Variants in WWOX observed in about 807,000 individuals in gnomAD.
WWOX encodes WW domain containing oxidoreductase.
In WWOX, 69 loss-of-function variants were observed where a neutral mutation model predicts 46.2. The ratio of observed to expected loss-of-function variants is 1.49; its 90% CI spans 1.23 to 1.82. The LOEUF (loss-of-function observed/expected upper bound fraction) is 1.82. Among genes scored for constraint, WWOX ranks in the 40% most tolerant of loss-of-function variants. The pLI, the probability that WWOX is intolerant of heterozygous loss-of-function variation, is 0.00. For missense variants in WWOX, 919 were observed against 542.6 expected, an observed-to-expected ratio of 1.69 and a Z score of -6.89; for synonymous variants, 359 against 202.6, an observed-to-expected ratio of 1.77 and a Z score of -6.56.
chr16:78,677,953 C>G (rs1372807687), intron 8 of WWOX, among the ~76,000 whole-genome samples: 2 of 152,200 alleles, frequency 1.3e-5, no homozygotes, highest in Non-Finnish European at 2.9e-5. Flanking sequence ...ATGTCCTTTT[C>G]AGGGATGACA....
chr16:79,179,508 C>CTTTTGT (rs1157710975), intron 8 of WWOX, among the ~76,000 whole-genome samples: 2 of 152,192 alleles, frequency 1.3e-5, no homozygotes, highest in Non-Finnish European at 2.9e-5. Flanking sequence ...ATCCTTCATG[C>CTTTTGT]TTTTGTTTTT....
chr16:79,072,966 C>T lies in WWOX; in HGVS notation c.1057-138642C>T, dbSNP rs867490632. ...ATTTGGACTCCGGGTCATTGACAAA[C>T]GTCATCACTGTTTTTAGTTGAAATG... On this transcript the variant is annotated intron_variant, in intron 8 of 8. Coordinates refer to ENST00000566780, the MANE Select transcript of WWOX (RefSeq NM_016373.4). Among the ~76,000 whole-genome samples, 74 of 151,888 alleles carry T rather than the reference C, an allele frequency of 4.9e-4. 1 individual carries two copies. Among genetic ancestry groups the T allele is most frequent in the Non-Finnish European group, 2.6e-4 (18 of 68,032 alleles).
In WWOX at chr16:78,717,103, C is replaced by T. The variant is rs77444125; in HGVS notation, c.1056+284351C>T. Among the ~76,000 whole-genome samples the T allele has an allele frequency of 1.3e-4, 20 of 152,238 alleles. No homozygotes were observed. In the East Asian group the frequency reaches 3.3e-3, roughly 25 times the overall value. ...TCACATGGTGATGACAGTGATTATT[C>T]CAAGAGATGGCTGTAAGCTCCCTGA... On this transcript the variant is annotated intron_variant, in intron 8 of 8. Coordinates refer to ENST00000566780, the MANE Select transcript of WWOX (RefSeq NM_016373.4).
intron 5 of WWOX, among the ~76,000 whole-genome samples, chr16:78,224,970 T>C (rs2037002893): frequency 1.3e-5 from 2 of 152,256 alleles, no homozygotes; most frequent in South Asian, 4.1e-4. Context: ...GGTAAGAATT[T>C]TTATGTGTTC....
At chr16:78,351,427 C>G (rs115949996) in intron 5 of WWOX, among the ~76,000 whole-genome samples, 140 of 152,276 alleles carry the variant, frequency 9.2e-4, no homozygotes, top group African/African-American at 3.3e-3. Context: ...GGCCATGAAA[C>G]CTTGCCTGGC....
chr16:78,757,426 C>T (rs991410993), intron 8 of WWOX, among the ~76,000 whole-genome samples: 1 of 152,092 alleles, frequency 6.6e-6, no homozygotes, highest in Non-Finnish European at 1.5e-5. Flanking sequence ...GCTTCTGTAC[C>T]TCTTGCCTCA....
chr16:79,019,175 AAAAAAAAAAAG>A (rs1386660361), intron 8 of WWOX, among the ~76,000 whole-genome samples: 1 of 57,228 alleles, frequency 1.7e-5, no homozygotes, highest in East Asian at 9.0e-4. Context: ...AAAAAAAAAA[AAAAAAAAAAAG>A]AAAAAAAAAA....
chr16:78,124,887 T>G (rs1049414540), intron 4 of WWOX, among the ~76,000 whole-genome samples: 2 of 152,026 alleles, frequency 1.3e-5, no homozygotes, highest in African/African-American at 4.8e-5. Context: ...GACAGAGAGA[T>G]GGGGGCGGGG....
chr16:78,406,780 C>T (rs2082558829), intron 6 of WWOX, among the ~76,000 whole-genome samples: 1 of 151,998 alleles, frequency 6.6e-6, no homozygotes, highest in Non-Finnish European at 1.5e-5. Flanking sequence ...TCGTGTGCCA[C>T]CACGCCTGGT....
At chr16:79,145,974 C>G (rs993396631) in intron 8 of WWOX, among the ~76,000 whole-genome samples, 2 of 152,176 alleles carry the variant, frequency 1.3e-5, no homozygotes, top group East Asian at 3.9e-4. Flanking sequence ...CATAAAATAT[C>G]AGCTAAAAAG....
chr16:79,113,754 G>C (rs997611184), intron 8 of WWOX, among the ~76,000 whole-genome samples: 5 of 152,220 alleles, frequency 3.3e-5, no homozygotes, highest in African/African-American at 1.2e-4. Context: ...TTTCACCCGA[G>C]GAGGGGAAGA....
chr16:78,759,796 C>T (rs1416496962), intron 8 of WWOX, among the ~76,000 whole-genome samples: 6 of 152,250 alleles, frequency 3.9e-5, no homozygotes, highest in South Asian at 2.1e-4. Flanking sequence ...AGGTTTCGCT[C>T]CAGAGTGAGT....
In WWOX at chr16:79,211,713, G is replaced by T; in HGVS notation, c.1162G>T (p.Ala388Ser). The T allele has an allele frequency of 6.2e-7, 1 of 1,614,224 alleles. No individual in the cohort carries two copies. The highest frequency in any genetic ancestry group is 1.1e-5 in the South Asian group (1 of 91,088). Residue 388 changes from alanine (A) to serine (S), a missense_variant, in exon 9 of 9, where the codon GCT (alanine) becomes TCT (serine). Physicochemically the swap from Ala to Ser is moderately conservative, Grantham distance 99 (BLOSUM62 1). Transcript: ENST00000566780. ...CTGCCGCTGCATGCCCTCACCAGAA[G>T]CTCAGAGCGAAGAGACGGCCCGGAC... ...NCCRCMPSPE[A>S]QSEETARTLW...
At chr16:79,211,487 A>G (rs1259155281) in intron 8 of WWOX, 121 bp from the exon 9 acceptor site, 11 of 1,300,730 alleles carry the variant, frequency 8.5e-6, no homozygotes, top group South Asian at 7.5e-5. Flanking sequence ...TTGCTATGCC[A>G]AGATCCAGCT....
intron 8 of WWOX, chr16:79,004,546 G>A (rs1006619796): frequency 6.6e-6 from 1 of 152,294 alleles, no homozygotes; most frequent in African/African-American, 2.4e-5. Context: ...GTGTGACTGT[G>A]AGCTCAGGTC....
rs754460801 is a variant in WWOX, at chr16:78,432,672, A to G, written c.976A>G (p.Met326Val). 6.2e-7 allele frequency: 1 copy of G among 1,614,210 alleles called. No homozygotes were observed. The highest frequency in any genetic ancestry group is 1.7e-5 in the Admixed American group (1 of 60,026). ...VTSNAVHPGN[M>V]MYSNIHRSWW... ...GTCGAACGCAGTGCATCCTGGAAAT[A>G]TGATGTACTCCAACATTCATCGCAG... Residue 326 changes from methionine (M) to valine (V), a missense_variant, in exon 8 of 9, where the codon ATG (methionine) becomes GTG (valine). Physicochemically the swap from Met to Val is conservative, Grantham distance 21. Coordinates refer to ENST00000566780, the MANE Select transcript of WWOX (RefSeq NM_016373.4).
chr16:78,696,342 G>T (rs561679058), intron 8 of WWOX, among the ~76,000 whole-genome samples: 1 of 152,222 alleles, frequency 6.6e-6, no homozygotes, highest in Admixed American at 6.5e-5. Flanking sequence ...TACCAGGCAG[G>T]GTCCTAAGTG....
chr16:78,419,625 CAAA>C (rs60762734), intron 6 of WWOX, among the ~76,000 whole-genome samples: 1,163 of 44,664 alleles, frequency 0.026, 16 homozygotes, highest in African/African-American at 0.076. Context: ...CAAAAAATAG[CAAA>C]AAAAAAAAAA....
chr16:78,899,906 G>T (rs762436961), intron 8 of WWOX, among the ~76,000 whole-genome samples: 1 of 152,056 alleles, frequency 6.6e-6, no homozygotes, highest in Non-Finnish European at 1.5e-5. Context: ...TCTCTGTCAG[G>T]ACATAAATTA....
Sources: allele counts gnomAD v4.1 joint callset (sites outside exome capture counted in the v4.1 genomes callset), GRCh38; gene constraint gnomAD v4.1.1; transcripts MANE v1.5; gene names NCBI Gene and HGNC (gene_info 2026-07-23, HGNC 2026-07-21).